The following PPP1R9A variants were observed in gnomAD, a reference collection of about 807,000 sequenced individuals.
PPP1R9A encodes protein phosphatase 1 regulatory subunit 9A.
PPP1R9A carries 59 observed loss-of-function variants against 141.9 expected under a neutral mutation model. That is an observed-to-expected ratio of 0.42 (90% CI 0.34 to 0.52). The LOEUF is 0.52. Among genes scored for constraint, PPP1R9A ranks in the 20% least tolerant of loss-of-function variants. PPP1R9A has a pLI of 0.10. For missense variants in PPP1R9A, 1,444 were observed against 1,611.9 expected, an observed-to-expected ratio of 0.90 and a Z score of 1.78; for synonymous variants, 500 against 569.7, an observed-to-expected ratio of 0.88 and a Z score of 1.74.
In PPP1R9A at chr7:95,250,185, C is replaced by T; in HGVS notation, c.2326C>T (p.Gln776Ter). 1 of 1,613,904 alleles carries T rather than the reference C, an allele frequency of 6.2e-7. No homozygotes were observed. The highest frequency in any genetic ancestry group is 1.1e-5 in the South Asian group (1 of 91,060). ...HTVNEHLKET[Q>*]SQYQALEKKY... ...AGTGAATGAGCATCTCAAAGAGACTCAAAGCCAGTATCAGGCCTTGGAAAA... is the reference window on the plus strand; with the variant it reads ...AGTGAATGAGCATCTCAAAGAGACTTAAAGCCAGTATCAGGCCTTGGAAAA... The change falls in exon 10 of 20, where the codon CAA becomes TAA. Residue 776 changes from glutamine to a stop codon, truncating the protein, a stop_gained. Coordinates refer to ENST00000433360, the MANE Select transcript of PPP1R9A (RefSeq NM_001166160.2). LOFTEE classifies it high-confidence loss of function.
intron 7 of PPP1R9A, among the ~76,000 whole-genome samples, chr7:95,204,675 ACACACACACCACACATACC>A (rs1413466253): frequency 1.4e-5 from 2 of 144,744 alleles, no homozygotes; most frequent in South Asian, 2.2e-4. Flanking sequence ...CACACACACC[ACACACACACCACACATACC>A]CACACACACC....
chr7:95,276,761 T>C (rs540042502), intron 16 of PPP1R9A, among the ~76,000 whole-genome samples: 1 of 152,192 alleles, frequency 6.6e-6, no homozygotes, highest in East Asian at 1.9e-4. Context: ...ATAATTGGAA[T>C]AGAAGAACAA....
chr7:95,282,560 C>A (rs995712915), intron 16 of PPP1R9A, among the ~76,000 whole-genome samples: 5 of 152,170 alleles, frequency 3.3e-5, no homozygotes, highest in Non-Finnish European at 5.9e-5. Flanking sequence ...CAAGATCCTT[C>A]CCAAGTTGAA....
intron 2 of PPP1R9A, among the ~76,000 whole-genome samples, chr7:95,053,552 A>G (rs1042343366): frequency 6.6e-6 from 1 of 152,234 alleles, no homozygotes; most frequent in Non-Finnish European, 1.5e-5. Context: ...ACTGCGTAGA[A>G]AGCCTATTCG....
Position 95,226,193 on chromosome 7 carries a change from TTAA to T in PPP1R9A, c.2112+78_2112+80del. The T allele has an allele frequency of 6.5e-6, 9 of 1,383,654 alleles. No homozygotes were observed. The South Asian group carries it at 1.5e-4, about 23-fold the overall frequency. 85.7% of individuals were successfully genotyped at this position (1,383,654 alleles called of 1,614,324 possible). Reference sequence around the variant, plus strand: ...TATATATTTCTGTTCAAATAATATATTAAGAATAATCAGTTTGCAAATCAAAGC... The same window carrying T: ...TATATATTTCTGTTCAAATAATATATGAATAATCAGTTTGCAAATCAAAGC... On this transcript the variant is annotated intron_variant, in intron 8 of 19. Coordinates refer to ENST00000433360, the MANE Select transcript of PPP1R9A (RefSeq NM_001166160.2).
At chr7:94,933,086 T>C (rs777609402) in intron 2 of PPP1R9A, among the ~76,000 whole-genome samples, 4 of 152,070 alleles carry the variant, frequency 2.6e-5, no homozygotes, top group Non-Finnish European at 4.4e-5. Context: ...ATATGACATA[T>C]ATATACACAG....
rs139772173 is a variant in PPP1R9A at position 95,290,162 on chromosome 7, A to C, written c.3984A>C (p.Leu1328=). ...AACTCAAGGAAATGAAGATGTCTCT[A>C]GAGAAGGCTCGGAAGGCCCAAGAGA... ...KKKLKEMKMS[L]EKARKAQEKM... The change falls in exon 20 of 20, where the codon CTA becomes CTC. Residue 1328 remains leucine (L), a synonymous_variant. Transcript: ENST00000433360. The C allele has an allele frequency of 3.1e-6, 5 of 1,614,116 alleles. No homozygotes were observed. In the African/African-American group the frequency reaches 5.3e-5, roughly 17 times the overall value.
chr7:95,086,027 A>T (rs987307272), intron 2 of PPP1R9A, among the ~76,000 whole-genome samples: 1 of 151,470 alleles, frequency 6.6e-6, no homozygotes, highest in Non-Finnish European at 1.5e-5. Context: ...TTTTAAATTT[A>T]TTTTATTTTA....
chr7:95,227,211 A>G (rs1795261019), intron 8 of PPP1R9A, among the ~76,000 whole-genome samples: 2 of 152,130 alleles, frequency 1.3e-5, no homozygotes, highest in Non-Finnish European at 2.9e-5. Flanking sequence ...TTAACTCACA[A>G]CCCAACTTTA....
intron 12 of PPP1R9A, among the ~76,000 whole-genome samples, chr7:95,252,695 T>G (rs891496019): frequency 1.6e-4 from 25 of 152,124 alleles, no homozygotes; most frequent in African/African-American, 5.8e-4. Context: ...CTCGAACTCC[T>G]GACCTCAGGT....
intron 8 of PPP1R9A, among the ~76,000 whole-genome samples, chr7:95,241,685 A>C (rs1341081741): frequency 1.3e-5 from 2 of 152,106 alleles, no homozygotes; most frequent in East Asian, 3.9e-4. Flanking sequence ...AAAATTCGAC[A>C]TTTCTCTTGA....
At chr7:95,238,215 C>T (rs1796972665) in intron 8 of PPP1R9A, among the ~76,000 whole-genome samples, 1 of 152,112 alleles carries the variant, frequency 6.6e-6, no homozygotes, top group South Asian at 2.1e-4. Context: ...TTAGTTCCAG[C>T]TCACCTATAC....
intron 4 of PPP1R9A, among the ~76,000 whole-genome samples, chr7:95,130,847 T>C (rs140164680): frequency 6.6e-6 from 1 of 152,320 alleles, no homozygotes; most frequent in East Asian, 1.9e-4. Flanking sequence ...TTTTGGCCAG[T>C]TTCTTCCATT....
intron 2 of PPP1R9A, among the ~76,000 whole-genome samples, chr7:94,954,938 T>G (rs1372014201): frequency 1.3e-5 from 2 of 151,964 alleles, no homozygotes; most frequent in Non-Finnish European, 2.9e-5. Flanking sequence ...TCAATATTCT[T>G]ACTCTCCTTG....
intron 2 of PPP1R9A, among the ~76,000 whole-genome samples, chr7:95,061,096 A>G (rs1812167003): frequency 1.3e-5 from 2 of 152,200 alleles, no homozygotes; most frequent in African/African-American, 4.8e-5. Context: ...TTACAACAGA[A>G]TCCCATAGTA....
chr7:95,161,196 T>A (rs1171406198), intron 4 of PPP1R9A, among the ~76,000 whole-genome samples: 1 of 152,090 alleles, frequency 6.6e-6, no homozygotes, highest in South Asian at 2.1e-4. Context: ...GTTTTTTTTT[T>A]AACTTTTTAG....
intron 2 of PPP1R9A, among the ~76,000 whole-genome samples, chr7:94,965,551 T>C (rs1798110307): frequency 6.6e-6 from 1 of 152,218 alleles, no homozygotes; most frequent in East Asian, 1.9e-4. Context: ...TAGCCAGTTT[T>C]CCCAACACCG....
intron 2 of PPP1R9A, among the ~76,000 whole-genome samples, chr7:95,052,420 T>C (rs1443316018): frequency 6.6e-6 from 1 of 152,140 alleles, no homozygotes; most frequent in Non-Finnish European, 1.5e-5. Flanking sequence ...GGCAGGAATC[T>C]AATGGTTGAA....
intron 2 of PPP1R9A, among the ~76,000 whole-genome samples, chr7:94,931,942 G>A (rs1794214159): frequency 6.6e-6 from 1 of 152,116 alleles, no homozygotes; most frequent in Admixed American, 6.5e-5. Flanking sequence ...TAAATGCAGG[G>A]GAGTGGCTGT....
Sources: allele counts gnomAD v4.1 joint callset (sites outside exome capture counted in the v4.1 genomes callset), GRCh38; gene constraint gnomAD v4.1.1; transcripts MANE v1.5; gene names NCBI Gene and HGNC (gene_info 2026-07-23, HGNC 2026-07-21).